ELP4: variants seen among roughly 807,000 people sequenced by gnomAD.
ELP4 encodes elongator acetyltransferase complex subunit 4.
Under a neutral mutation model 48.9 loss-of-function variants are expected in ELP4, and 51 were observed. The ratio of observed to expected loss-of-function variants is 1.04; its 90% CI spans 0.83 to 1.32. The LOEUF (loss-of-function observed/expected upper bound fraction) is 1.32, where lower values mean the gene tolerates loss of function less well. ELP4 is among the 40% of genes most tolerant of loss of function. The pLI is 0.00. For missense variants in ELP4, 519 were observed against 514.6 expected, an observed-to-expected ratio of 1.01 and a Z score of -0.08; for synonymous variants, 210 against 189.2, an observed-to-expected ratio of 1.11 and a Z score of -0.90.
chr11:31,611,325 A>C (rs1957974043), intron 5 of ELP4, among the ~76,000 whole-genome samples: 1 of 152,234 alleles, frequency 6.6e-6, no homozygotes, highest in African/African-American at 2.4e-5. Context: ...AGTTAATTTA[A>C]GTAGCCATAT....
chr11:31,734,141 C>T (rs1385657975), intron 9 of ELP4, among the ~76,000 whole-genome samples: 1 of 151,988 alleles, frequency 6.6e-6, no homozygotes, highest in African/African-American at 2.4e-5. Context: ...AATATATGCC[C>T]CCAAAAAAGT....
chr11:31,733,346 G>C (rs141186181), intron 9 of ELP4, among the ~76,000 whole-genome samples: 1 of 151,664 alleles, frequency 6.6e-6, no homozygotes, highest in African/African-American at 2.4e-5. Flanking sequence ...GAGTGGTGGC[G>C]TACACCTGTA....
chr11:31,701,317 C>T (rs571304896), intron 9 of ELP4, among the ~76,000 whole-genome samples: 28 of 152,070 alleles, frequency 1.8e-4, no homozygotes, highest in Non-Finnish European at 3.5e-4. Context: ...AAAAACTAAG[C>T]TGTCACATTG....
At chr11:31,752,374 T>A (rs1947739439) in intron 9 of ELP4, among the ~76,000 whole-genome samples, 1 of 152,192 alleles carries the variant, frequency 6.6e-6, no homozygotes, top group South Asian at 2.1e-4. Flanking sequence ...TTTTTCTTAG[T>A]CACCATCAGG....
chr11:31,625,387 T>G (rs955393375), intron 5 of ELP4, among the ~76,000 whole-genome samples: 3 of 151,770 alleles, frequency 2.0e-5, no homozygotes, highest in Non-Finnish European at 4.4e-5. Flanking sequence ...TTCACAATAA[T>G]CAACATATGG....
chr11:31,686,334 T>G (rs1049402052), intron 9 of ELP4, among the ~76,000 whole-genome samples: 8 of 150,890 alleles, frequency 5.3e-5, no homozygotes, highest in Admixed American at 5.3e-4. Context: ...GTTGGTTTTT[T>G]TTTTTTTTTT....
intron 3 of ELP4, among the ~76,000 whole-genome samples, chr11:31,544,620 T>A (rs1286540304): frequency 6.6e-6 from 1 of 152,186 alleles, no homozygotes; most frequent in Non-Finnish European, 1.5e-5. Flanking sequence ...GACTTAAATG[T>A]CCCTGTCTGA....
chr11:31,512,815 C>T (rs1351582088), intron 1 of ELP4, among the ~76,000 whole-genome samples: 1 of 137,384 alleles, frequency 7.3e-6, no homozygotes, highest in African/African-American at 2.6e-5. Flanking sequence ...GCCCCGCCCA[C>T]CCAACCCCAT....
At chr11:31,551,022 A>T (rs573708743) in intron 3 of ELP4, among the ~76,000 whole-genome samples, 1 of 152,286 alleles carries the variant, frequency 6.6e-6, no homozygotes, top group East Asian at 1.9e-4. Flanking sequence ...TGTTGAAGAA[A>T]TCCTTCAGGA....
intron 7 of ELP4, chr11:31,633,010 C>T (rs1944896735): frequency 6.6e-6 from 1 of 151,912 alleles, no homozygotes; most frequent in South Asian, 2.1e-4. Context: ...ATTGTAGTCT[C>T]CATAGAGGGA....
intron 9 of ELP4, among the ~76,000 whole-genome samples, chr11:31,709,390 T>TA (rs1946695504): frequency 6.6e-6 from 1 of 152,194 alleles, no homozygotes; most frequent in South Asian, 2.1e-4. Context: ...TAAGGAAGTG[T>TA]AATACTTACC....
At chr11:31,697,650 C>T (rs1946439139) in intron 9 of ELP4, among the ~76,000 whole-genome samples, 1 of 152,058 alleles carries the variant, frequency 6.6e-6, no homozygotes, top group African/African-American at 2.4e-5. Flanking sequence ...ACTTACACAA[C>T]TCATAATTTA....
At chr11:31,625,895 G>GA (rs1010769643) in intron 5 of ELP4, among the ~76,000 whole-genome samples, 1 of 151,602 alleles carries the variant, frequency 6.6e-6, no homozygotes, top group Non-Finnish European at 1.5e-5. Context: ...CCACACTCAT[G>GA]AAAAAAAGTG....
chr11:31,625,989 G>A (rs1944735429), intron 5 of ELP4, among the ~76,000 whole-genome samples: 1 of 151,782 alleles, frequency 6.6e-6, no homozygotes, highest in African/African-American at 2.4e-5. Context: ...TTCATTATCT[G>A]GAGCTGTATT....
intron 9 of ELP4, among the ~76,000 whole-genome samples, chr11:31,704,509 G>A (rs1039309401): frequency 4.0e-5 from 6 of 151,868 alleles, no homozygotes; most frequent in African/African-American, 1.2e-4. Flanking sequence ...AGGGGGGAGG[G>A]AAAGCATTAG....
chr11:31,659,174 C>G (rs1022012195), intron 9 of ELP4, among the ~76,000 whole-genome samples: 4 of 152,014 alleles, frequency 2.6e-5, no homozygotes, highest in Non-Finnish European at 4.4e-5. Flanking sequence ...AACCCAAAAA[C>G]TGGTAAAGCG....
chr11:31,570,777 C>A (rs916909379), intron 3 of ELP4, among the ~76,000 whole-genome samples: 1 of 146,706 alleles, frequency 6.8e-6, no homozygotes, highest in African/African-American at 2.6e-5. Context: ...TGTGCCTGGC[C>A]AAACTGTAAA....
At chr11:31,739,496 C>A (rs1232234301) in intron 9 of ELP4, among the ~76,000 whole-genome samples, 1 of 151,630 alleles carries the variant, frequency 6.6e-6, no homozygotes, top group African/African-American at 2.4e-5. Context: ...CAGAATACTT[C>A]TTCCAGTGTT....
chr11:31,665,043 G>A (rs1465933829), intron 9 of ELP4, among the ~76,000 whole-genome samples: 2 of 152,068 alleles, frequency 1.3e-5, no homozygotes, highest in African/African-American at 2.4e-5. Flanking sequence ...TTTTGCCTCT[G>A]TATACCTTTT....
Sources: gnomAD v4.1 joint callset for allele counts (sites outside exome capture counted in the v4.1 genomes callset) on GRCh38, gnomAD v4.1.1 for gene constraint, MANE v1.5 for transcripts, NCBI Gene and HGNC (gene_info 2026-07-23, HGNC 2026-07-21) for gene names.